The following ACSL6 variants were observed in gnomAD, a reference collection of about 807,000 sequenced individuals.
ACSL6 encodes long-chain-fatty-acid--CoA ligase 6.
ACSL6 carries 47 observed loss-of-function variants against 98.2 expected under a neutral mutation model. That is an observed-to-expected ratio of 0.48 (90% CI 0.38 to 0.61). The LOEUF is 0.61. Ranked by LOEUF, ACSL6 falls within the 20% of genes least tolerant of loss-of-function variation. The pLI is 0.00. For missense variants in ACSL6, 761 were observed against 913.4 expected, an observed-to-expected ratio of 0.83 and a Z score of 2.15; for synonymous variants, 362 against 336.9, an observed-to-expected ratio of 1.07 and a Z score of -0.82.
chr5:131,963,511 A>G (rs1158866777), intron 17 of ACSL6, among the ~76,000 whole-genome samples: 1 of 152,138 alleles, frequency 6.6e-6, no homozygotes. Context: ...AAACTAGGCT[A>G]TTTGTCTCAG....
At chr5:131,984,901 C>T (rs1754090043) in intron 9 of ACSL6, 1 of 190,952 alleles carries the variant, frequency 5.2e-6, no homozygotes, top group Non-Finnish European at 1.1e-5. Context: ...GCACCTTTAG[C>T]CACCCTCATG....
At chr5:131,959,911 A>G (rs977733627) in intron 19 of ACSL6, 7 of 404,436 alleles carry the variant, frequency 1.7e-5, no homozygotes, top group Non-Finnish European at 3.2e-5. Context: ...CCCAGGGCCC[A>G]GGGTCCCGTA....
At chr5:131,995,276 G>A (rs1754737999) in intron 1 of ACSL6, among the ~76,000 whole-genome samples, 1 of 152,210 alleles carries the variant, frequency 6.6e-6, no homozygotes, top group African/African-American at 2.4e-5. Flanking sequence ...CGGCCACTAA[G>A]TGAGGCCGTG....
chr5:132,011,950 C>T (rs1328872949), upstream of ACSL6: 3 of 1,543,026 alleles, frequency 1.9e-6, no homozygotes, highest in Non-Finnish European at 2.6e-6. This position sits in a 1 kb window ranked among gnomAD's most constrained non-coding sequence, Gnocchi z 5.4. Flanking sequence ...AGGGGGAGCA[C>T]GGGCGACGAG....
At chr5:131,975,177 T>A in intron 10 of ACSL6, 5 of 1,336,852 alleles carry the variant, frequency 3.7e-6, no homozygotes, top group East Asian at 3.1e-5. Flanking sequence ...AGGGGGAAGG[T>A]GCAGAAAGAA....
chr5:131,993,568 C>A (rs1020877401), intron 2 of ACSL6, among the ~76,000 whole-genome samples: 1 of 152,154 alleles, frequency 6.6e-6, no homozygotes, highest in Non-Finnish European at 1.5e-5. Context: ...CCTAGAACAC[C>A]CTTGTCCACT....
chr5:131,969,988 C>T (rs1291122822), intron 15 of ACSL6, 140 bp downstream of exon 15: 3 of 738,006 alleles, frequency 4.1e-6, no homozygotes, highest in African/African-American at 1.7e-5. Context: ...GACATAACCA[C>T]CATTAATGTT....
At chr5:131,995,979 G>A (rs1379553845) in intron 1 of ACSL6, among the ~76,000 whole-genome samples, 3 of 152,228 alleles carry the variant, frequency 2.0e-5, no homozygotes, top group African/African-American at 2.4e-5. Flanking sequence ...TCAGGAGCAG[G>A]CCTGGTACAA....
intron 18 of ACSL6, 110 bp downstream of exon 18, chr5:131,962,425 T>A: frequency 1.5e-6 from 2 of 1,295,188 alleles, no homozygotes; most frequent in Middle Eastern, 2.6e-4. Context: ...TTTTCTCTCA[T>A]GTTTTAAAAT....
At position 131,962,520 on chromosome 5, in the gene ACSL6, G is replaced by A; in HGVS notation, c.1857+15C>T. Reference sequence around the variant, plus strand: ...GCCCAGGATATGTGGGAGGGCTGAAGCCTAGAGGCCTCACCTTTAAGCTGT... The same window carrying A: ...GCCCAGGATATGTGGGAGGGCTGAAACCTAGAGGCCTCACCTTTAAGCTGT... On this transcript the variant is annotated intron_variant, in intron 18 of 20. Transcript: ENST00000651883. 1 of 1,607,450 alleles carries A rather than the reference G, an allele frequency of 6.2e-7. No homozygotes were observed. The highest frequency in any genetic ancestry group is 1.3e-5 in the African/African-American group (1 of 74,856).
At chr5:131,973,116 A>G in intron 12 of ACSL6, 150 bp downstream of exon 12, 1 of 1,159,554 alleles carries the variant, frequency 8.6e-7, no homozygotes, top group Admixed American at 2.7e-5. Context: ...GAGAAGGAAG[A>G]ATGAGAAAGA....
At chr5:131,989,206 G>C (rs1327943120) in intron 5 of ACSL6, among the ~76,000 whole-genome samples, 1 of 152,166 alleles carries the variant, frequency 6.6e-6, no homozygotes, top group Non-Finnish European at 1.5e-5. Flanking sequence ...AGAGCTGGGT[G>C]GGGTGTGGAT....
At chr5:131,979,814 A>G (rs1215388926) in intron 9 of ACSL6, among the ~76,000 whole-genome samples, 5 of 152,330 alleles carry the variant, frequency 3.3e-5, no homozygotes, top group South Asian at 2.1e-4. Context: ...CAGGCCGCCA[A>G]TGTCTCAGCG....
chr5:131,994,158 C>T lies in ACSL6; in HGVS notation c.143G>A (p.Arg48His), dbSNP rs202213713. ...CACGAGGGTGGTGGCCGAGAGGCTG[C>T]GGAAAAACTGTCCCAAGTCACCTAG... ...PELGDLGQFF[R>H]SLSATTLVSM... Residue 48 changes from arginine to histidine, a missense_variant, in exon 2 of 21, where the codon CGC becomes CAC. Transcript: ENST00000651883. 1.3e-5 allele frequency: 21 copies of T among 1,614,158 alleles called. No homozygotes were observed. Among genetic ancestry groups the T allele is most frequent in the Middle Eastern group, 3.3e-4 (2 of 6,060 alleles).
intron 9 of ACSL6, 161 bp downstream of exon 9, chr5:131,985,246 G>C: frequency 1.2e-6 from 1 of 813,782 alleles, no homozygotes; most frequent in Non-Finnish European, 1.9e-6. Flanking sequence ...TCTTATGCAG[G>C]GCACTGGGAG....
Position 131,966,433 on chromosome 5 carries a change from T to C in ACSL6, c.1696A>G (p.Ile566Val), listed in dbSNP as rs747116021. Residue 566 changes from isoleucine (I) to valine (V), a missense_variant, in exon 17 of 21, where the codon ATC becomes GTC. By Grantham distance (29) the Ile-to-Val change is conservative. Coordinates refer to ENST00000651883, the MANE Select transcript of ACSL6 (RefSeq NM_001009185.3). ...DSDGWLHTGDIGKWLPAGTLK... is the reference protein window; with the variant it reads ...DSDGWLHTGDVGKWLPAGTLK... Reference sequence around the variant, plus strand: ...ATACACACCGGCAGCCATTTTCCGATGTCTCCAGTGTGAAGCCAGCCATCG... The same window carrying C: ...ATACACACCGGCAGCCATTTTCCGACGTCTCCAGTGTGAAGCCAGCCATCG... 3 of 1,614,160 alleles carry C rather than the reference T, an allele frequency of 1.9e-6. No individual in the cohort carries two copies. The South Asian group carries it at 3.3e-5, about 18-fold the overall frequency.
At chr5:132,008,196 C>G (rs1010319281) in intron 1 of ACSL6, among the ~76,000 whole-genome samples, 2 of 152,200 alleles carry the variant, frequency 1.3e-5, no homozygotes, top group Non-Finnish European at 2.9e-5. Flanking sequence ...TACCATCTGT[C>G]CCAATTCATA....
At chr5:131,997,694 C>T (rs1230028012) in intron 1 of ACSL6, among the ~76,000 whole-genome samples, 4 of 152,298 alleles carry the variant, frequency 2.6e-5, no homozygotes, top group East Asian at 3.9e-4. Context: ...GAAGGCAGTG[C>T]GCAAAGGGCT....
chr5:131,982,288 C>T (rs1753945461), intron 9 of ACSL6: 1 of 149,944 alleles, frequency 6.7e-6, no homozygotes, highest in Non-Finnish European at 1.5e-5. Context: ...GGACTACAGG[C>T]GCCCGCCACT....
Sources: gnomAD v4.1 joint callset for allele counts (sites outside exome capture counted in the v4.1 genomes callset) on GRCh38, gnomAD v4.1.1 for gene constraint, Gnocchi (gnomAD v3.1) non-coding constraint, MANE v1.5 for transcripts, NCBI Gene and HGNC (gene_info 2026-07-23, HGNC 2026-07-21) for gene names.